The following PTPRD variants were observed in gnomAD, a reference collection of about 807,000 sequenced individuals.
PTPRD encodes the protein receptor-type tyrosine-protein phosphatase delta.
PTPRD carries 34 observed loss-of-function variants against 214.5 expected under a neutral mutation model. The ratio of observed to expected loss-of-function variants is 0.16; its 90% CI spans 0.12 to 0.21. The LOEUF is 0.21. PTPRD is among the 10% of genes least tolerant of loss of function. The pLI, the probability that PTPRD is intolerant of heterozygous loss-of-function variation, is 1.00. For missense variants in PTPRD, 2,545 were observed against 2,398.7 expected, an observed-to-expected ratio of 1.06 and a Z score of -1.27; for synonymous variants, 1,128 against 845.7, an observed-to-expected ratio of 1.33 and a Z score of -5.79.
chr9:10,419,001 G>T (rs1021589870), intron 2 of PTPRD, among the ~76,000 whole-genome samples: 2 of 151,732 alleles, frequency 1.3e-5, no homozygotes, highest in Admixed American at 6.6e-5. Context: ...ATTACACTGG[G>T]CAATTTAGGA....
At chr9:9,548,599 A>T (rs142943318) in intron 8 of PTPRD, among the ~76,000 whole-genome samples, 2,490 of 151,848 alleles carry the variant, frequency 0.016, 39 homozygotes, top group Admixed American at 0.026. Flanking sequence ...GGGTTTCACC[A>T]TGCTGGCCAG....
chr9:10,013,645 T>A (rs1421456675), intron 4 of PTPRD, among the ~76,000 whole-genome samples: 2 of 151,626 alleles, frequency 1.3e-5, no homozygotes, highest in Non-Finnish European at 3.0e-5. Context: ...TGTAATAAAT[T>A]TTACAAAGAC....
intron 10 of PTPRD, among the ~76,000 whole-genome samples, chr9:9,061,009 C>G (rs1472262037): frequency 1.3e-5 from 2 of 152,134 alleles, no homozygotes; most frequent in East Asian, 3.8e-4. Context: ...AGCATACATA[C>G]TTAAATAACT....
chr9:9,922,499 T>G (rs921004341), intron 5 of PTPRD, among the ~76,000 whole-genome samples: 1 of 151,908 alleles, frequency 6.6e-6, no homozygotes, highest in Non-Finnish European at 1.5e-5. Flanking sequence ...TCATCAGCAA[T>G]GGAAGCAAAA....
At chr9:10,079,706 G>A (rs532316341) in intron 3 of PTPRD, among the ~76,000 whole-genome samples, 10 of 152,142 alleles carry the variant, frequency 6.6e-5, no homozygotes, top group East Asian at 5.8e-4. Flanking sequence ...GTAAATCTTC[G>A]TGCTAGTCAT....
intron 3 of PTPRD, among the ~76,000 whole-genome samples, chr9:10,042,509 G>C (rs1338138082): frequency 1.3e-5 from 2 of 151,850 alleles, no homozygotes; most frequent in African/African-American, 2.4e-5. Flanking sequence ...AGCACTTTTA[G>C]ACTATTGCCA....
At chr9:10,502,558 AT>A (rs2044141628) in intron 2 of PTPRD, among the ~76,000 whole-genome samples, 2 of 152,022 alleles carry the variant, frequency 1.3e-5, no homozygotes, top group Non-Finnish European at 2.9e-5. Flanking sequence ...CAGCTTTAAT[AT>A]TTTTTTGCAA....
intron 14 of PTPRD, among the ~76,000 whole-genome samples, chr9:8,537,355 C>T (rs985189742): frequency 6.6e-6 from 1 of 151,866 alleles, no homozygotes; most frequent in African/African-American, 2.4e-5. Context: ...AAAAAACTGA[C>T]AGTTAATACA....
At chr9:9,437,483 C>T (rs759897134) in intron 8 of PTPRD, among the ~76,000 whole-genome samples, 20 of 151,948 alleles carry the variant, frequency 1.3e-4, no homozygotes, top group Non-Finnish European at 2.2e-4. Flanking sequence ...GAGACTGTTG[C>T]GATTTTTAAT....
chr9:9,731,511 C>T (rs2098191741), intron 7 of PTPRD, among the ~76,000 whole-genome samples: 2 of 151,836 alleles, frequency 1.3e-5, no homozygotes, highest in Admixed American at 6.6e-5. Context: ...GCACAATGTG[C>T]AGGTTTGTTA....
At chr9:8,740,349 C>G (rs1318261500) in intron 11 of PTPRD, among the ~76,000 whole-genome samples, 1 of 152,156 alleles carries the variant, frequency 6.6e-6, no homozygotes, top group Non-Finnish European at 1.5e-5. Context: ...CTGCCACATT[C>G]TATAGACATA....
chr9:9,389,559 A>C (rs2065090925), intron 9 of PTPRD, among the ~76,000 whole-genome samples: 3 of 152,160 alleles, frequency 2.0e-5, no homozygotes, highest in South Asian at 4.1e-4. Flanking sequence ...ATTTATCTCT[A>C]ATTGCAATAA....
At chr9:10,491,746 G>T (rs554053879) in intron 2 of PTPRD, among the ~76,000 whole-genome samples, 1 of 151,896 alleles carries the variant, frequency 6.6e-6, no homozygotes, top group East Asian at 1.9e-4. Context: ...TAAGTTCCGG[G>T]ATATATGTGC....
intron 3 of PTPRD, among the ~76,000 whole-genome samples, chr9:10,175,300 G>C (rs990161627): frequency 2.8e-4 from 42 of 151,924 alleles, no homozygotes; most frequent in African/African-American, 1.0e-3. Context: ...GAAAATATGA[G>C]GATTAGAAGT....
chr9:10,392,987 A>C (rs574063503), intron 2 of PTPRD, among the ~76,000 whole-genome samples: 19 of 151,904 alleles, frequency 1.3e-4, no homozygotes, highest in African/African-American at 4.6e-4. Context: ...AGAGCAGTCT[A>C]GGAGCTTTGG....
At chr9:9,975,870 G>A (rs141577765) in intron 4 of PTPRD, among the ~76,000 whole-genome samples, 8 of 152,264 alleles carry the variant, frequency 5.3e-5, no homozygotes, top group East Asian at 3.9e-4. Context: ...GACCAAATCC[G>A]TAAGATTTCT....
intron 18 of PTPRD, among the ~76,000 whole-genome samples, chr9:8,524,456 T>C (rs957833031): frequency 5.9e-5 from 9 of 152,180 alleles, no homozygotes; most frequent in African/African-American, 1.9e-4. Context: ...TTTATAGAGT[T>C]AGCAGCTTTA....
At chr9:8,859,016 G>T (rs1225419879) in intron 11 of PTPRD, among the ~76,000 whole-genome samples, 1 of 152,196 alleles carries the variant, frequency 6.6e-6, no homozygotes, top group Admixed American at 6.5e-5. Flanking sequence ...TGCTGGTCGC[G>T]CCCTATTGAC....
chr9:10,099,431 A>G (rs1047471763), intron 3 of PTPRD, among the ~76,000 whole-genome samples: 2 of 151,784 alleles, frequency 1.3e-5, no homozygotes, highest in Non-Finnish European at 2.9e-5. Flanking sequence ...GCACTACTAT[A>G]TGAGTTATAG....
Sources: gnomAD v4.1 joint callset for allele counts (sites outside exome capture counted in the v4.1 genomes callset) on GRCh38, gnomAD v4.1.1 for gene constraint, MANE v1.5 for transcripts, NCBI Gene and HGNC (gene_info 2026-07-23, HGNC 2026-07-21) for gene names.